Variants in CACNA2D1 observed in about 807,000 individuals in gnomAD.
CACNA2D1 encodes the protein calcium voltage-gated channel auxiliary subunit alpha2delta 1, also known as voltage-dependent calcium channel subunit alpha-2/delta-1.
Under a neutral mutation model 171.5 loss-of-function variants are expected in CACNA2D1, and 53 were observed. The observed-to-expected ratio is 0.31, with a 90% CI of 0.25 to 0.39. CACNA2D1 has a LOEUF of 0.39. Among genes scored for constraint, CACNA2D1 ranks in the 10% least tolerant of loss-of-function variants. CACNA2D1 has a pLI of 1.00. For missense variants in CACNA2D1, 903 were observed against 1,299.8 expected (o/e 0.69, Z 4.69); for synonymous variants, 442 against 443.1 (o/e 1.00, Z 0.03).
chr7:82,011,976 A>G (rs1799835250), intron 15 of CACNA2D1, 178 bp downstream of exon 15: 1 of 615,336 alleles, frequency 1.6e-6, no homozygotes, highest in East Asian at 2.9e-5. Flanking sequence ...GTTTTCTACT[A>G]CATACGAGTC....
intron 6 of CACNA2D1, among the ~76,000 whole-genome samples, chr7:82,090,855 A>C (rs1253098034): frequency 6.6e-6 from 1 of 152,168 alleles, no homozygotes; most frequent in Non-Finnish European, 1.5e-5. Flanking sequence ...GATTCTAAAC[A>C]AAAGATATCT....
chr7:82,077,408 C>T (rs1343029169), intron 7 of CACNA2D1, among the ~76,000 whole-genome samples: 2 of 152,098 alleles, frequency 1.3e-5, no homozygotes, highest in Non-Finnish European at 2.9e-5. Flanking sequence ...TTCTTTGCTC[C>T]TAATAAAGAG....
intron 3 of CACNA2D1, among the ~76,000 whole-genome samples, chr7:82,301,968 C>A (rs1813065689): frequency 6.6e-6 from 1 of 152,058 alleles, no homozygotes; most frequent in African/African-American, 2.4e-5. Flanking sequence ...CCATGTTGGC[C>A]AGGCTGGTCT....
chr7:82,273,474 T>C (rs1301653350), intron 3 of CACNA2D1, among the ~76,000 whole-genome samples: 3 of 151,326 alleles, frequency 2.0e-5, no homozygotes, highest in East Asian at 1.9e-4. Context: ...CTCTATAATA[T>C]AATATTTTCT....
At chr7:82,405,773 T>G (rs895818242) in intron 1 of CACNA2D1, among the ~76,000 whole-genome samples, 1 of 152,164 alleles carries the variant, frequency 6.6e-6, no homozygotes, top group Non-Finnish European at 1.5e-5. Context: ...CTCTTTCCAC[T>G]TTGGGTTTAT....
chr7:82,290,377 C>T (rs13227505), intron 3 of CACNA2D1, among the ~76,000 whole-genome samples: 1 of 152,056 alleles, frequency 6.6e-6, no homozygotes, highest in Non-Finnish European at 1.5e-5. Flanking sequence ...CAGTAATATA[C>T]TAAGTTGAAA....
At chr7:82,136,546 C>CT (rs2067170) in intron 5 of CACNA2D1, 89 bp downstream of exon 5, 81 of 1,010,772 alleles carry the variant, frequency 8.0e-5, no homozygotes, top group Non-Finnish European at 1.1e-4. Context: ...GTCTTAAAAA[C>CT]TAAAACTGCT....
At chr7:82,067,405 A>T (rs1807779707) in intron 7 of CACNA2D1, among the ~76,000 whole-genome samples, 1 of 152,176 alleles carries the variant, frequency 6.6e-6, no homozygotes, top group African/African-American at 2.4e-5. Context: ...TTTCTGAGAA[A>T]CTGTGGAAAT....
intron 3 of CACNA2D1, among the ~76,000 whole-genome samples, chr7:82,282,702 T>TGG (rs1491274328): frequency 0.051 from 5,278 of 103,752 alleles, 262 homozygotes; most frequent in African/African-American, 0.13. Context: ...AATTGTAAAA[T>TGG]GTGGGGGGGG....
intron 1 of CACNA2D1, among the ~76,000 whole-genome samples, chr7:82,371,191 C>T (rs1476636082): frequency 9.2e-5 from 14 of 152,108 alleles, no homozygotes; most frequent in Admixed American, 6.6e-4. Flanking sequence ...ATATTAAAGG[C>T]TAATTCACAC....
Position 82,299,659 on chromosome 7 carries a change from C to CA in CACNA2D1, c.294+35475dup, listed in dbSNP as rs76037778. Among the ~76,000 whole-genome samples the CA allele has an allele frequency of 8.5e-3, 965 of 113,646 alleles. 2 individuals are homozygous for CA. Among genetic ancestry groups the CA allele is most frequent in the African/African-American group, 0.017 (521 of 30,626 alleles). The allele number at this position is 113,646 out of a possible 152,430, so 74.6% of individuals were successfully genotyped here. A position where few individuals can be genotyped will look rare whatever the true frequency, so the allele number is the denominator to read the frequency against. ...TAGGCAACAGAGCAAGACTCTATCT[C>CA]AAAAAAAAAAAAAAAAGTTAGATGA... On this transcript the variant is annotated intron_variant, in intron 3 of 38. Coordinates refer to ENST00000356860, the MANE Select transcript of CACNA2D1 (RefSeq NM_000722.4).
chr7:81,989,611 C>T (rs1281875560), intron 21 of CACNA2D1, among the ~76,000 whole-genome samples: 2 of 152,158 alleles, frequency 1.3e-5, no homozygotes. Context: ...CCAGCTACCG[C>T]TAAGGCCCAC....
intron 3 of CACNA2D1, among the ~76,000 whole-genome samples, chr7:82,305,267 T>G (rs1239363552): frequency 1.3e-5 from 2 of 152,278 alleles, no homozygotes; most frequent in Admixed American, 1.3e-4. Flanking sequence ...AAAGTAAATA[T>G]ATAGAAATAA....
Position 81,965,587 on chromosome 7 carries a change from T to A in CACNA2D1, c.2574+7A>T. 7 of 1,471,484 alleles carry A rather than the reference T, an allele frequency of 4.8e-6. No individual in the cohort carries two copies. The highest frequency in any genetic ancestry group is 6.7e-6 in the Non-Finnish European group (7 of 1,050,720). The allele number at this position is 1,471,484 out of a possible 1,614,324, so 91.2% of individuals were successfully genotyped here. A position where few individuals can be genotyped will look rare whatever the true frequency, so the allele number is the denominator to read the frequency against. ...AAGCCTAATTCCCTCTTATTTGAGG[T>A]ACATACCTGATTAGTATAATCATCA... On this transcript the variant is annotated splice_region_variant and intron_variant, in intron 32 of 38. Transcript: ENST00000356860.
chr7:82,060,035 T>C (rs1391035843), intron 10 of CACNA2D1, among the ~76,000 whole-genome samples: 4 of 104,482 alleles, frequency 3.8e-5, no homozygotes, highest in Non-Finnish European at 7.7e-5. Context: ...TTAGGAGATA[T>C]ACCTAATGCT....
chr7:82,235,637 T>C (rs1243378102), intron 3 of CACNA2D1, among the ~76,000 whole-genome samples: 1 of 152,164 alleles, frequency 6.6e-6, no homozygotes, highest in African/African-American at 2.4e-5. Flanking sequence ...TCTTAGACTC[T>C]TCTAATTTTA....
In CACNA2D1 at chr7:82,090,245, CT is replaced by C. The variant is rs1273567371; in HGVS notation, c.527-5346del. Among the ~76,000 whole-genome samples the C allele has an allele frequency of 2.0e-5, 3 of 152,176 alleles. 1 individual carries two copies. The South Asian group carries it at 6.2e-4, about 32-fold the overall frequency. ...AGTTACTCATCTTTTAAAACTGAATCTTTGTACCCTTACCTATAGCTTTCTA... is the reference window on the plus strand; with the variant it reads ...AGTTACTCATCTTTTAAAACTGAATCTTGTACCCTTACCTATAGCTTTCTA... On this transcript the variant is annotated intron_variant, in intron 6 of 38. Coordinates refer to ENST00000356860, the MANE Select transcript of CACNA2D1 (RefSeq NM_000722.4).
At chr7:82,393,071 AAGGAAGGAAGGAAGGCAGGC>A (rs1467845441) in intron 1 of CACNA2D1, among the ~76,000 whole-genome samples, 44 of 125,360 alleles carry the variant, frequency 3.5e-4, no homozygotes, top group African/African-American at 7.2e-4. Flanking sequence ...GGAAGGAAGG[AAGGAAGGAAGGAAGGCAGGC>A]AGGCAGGCAG....
At chr7:82,328,329 G>A (rs1403650323) in intron 3 of CACNA2D1, among the ~76,000 whole-genome samples, 1 of 151,668 alleles carries the variant, frequency 6.6e-6, no homozygotes, top group Admixed American at 6.6e-5. Flanking sequence ...ATGTAGCTTG[G>A]GCCTCATTTT....
Sources: gnomAD v4.1 joint callset for allele counts (sites outside exome capture counted in the v4.1 genomes callset) on GRCh38, gnomAD v4.1.1 for gene constraint, MANE v1.5 for transcripts, NCBI Gene and HGNC (gene_info 2026-07-23, HGNC 2026-07-21) for gene names.